Variants in PARM1 observed in about 807,000 individuals in gnomAD.
The protein encoded by PARM1 is prostate androgen-regulated mucin-like protein 1.
Under a neutral mutation model 24.6 loss-of-function variants are expected in PARM1, and 14 were observed. That is an observed-to-expected ratio of 0.57 (90% confidence interval 0.38 to 0.89). PARM1 has a LOEUF of 0.89. PARM1 is among the 40% of genes least tolerant of loss of function. PARM1 has a pLI of 0.00. For synonymous variants in PARM1, 179 were observed against 156.6 expected (o/e 1.14, Z -1.07); for missense variants, 362 against 380.4 (o/e 0.95, Z 0.40).
intron 1 of PARM1, among the ~76,000 whole-genome samples, chr4:74,942,455 G>T (rs143627505): frequency 6.6e-6 from 1 of 152,166 alleles, no homozygotes; most frequent in Non-Finnish European, 1.5e-5. Context: ...TAGTTATCTC[G>T]AACTCAACAT....
intron 1 of PARM1, among the ~76,000 whole-genome samples, chr4:74,933,648 C>A (rs1268749032): frequency 6.6e-6 from 1 of 152,184 alleles, no homozygotes; most frequent in East Asian, 1.9e-4. Flanking sequence ...GTGTTCGAAC[C>A]CAGAGTGGGC....
At chr4:75,010,844 T>C (rs539326164) in intron 1 of PARM1, among the ~76,000 whole-genome samples, 9 of 152,184 alleles carry the variant, frequency 5.9e-5, no homozygotes, top group Non-Finnish European at 1.2e-4. Context: ...ACAGTTGTGT[T>C]TGCATTGCTA....
At chr4:75,045,053 A>C (rs1723574520) in intron 3 of PARM1, among the ~76,000 whole-genome samples, 1 of 152,174 alleles carries the variant, frequency 6.6e-6, no homozygotes, top group Non-Finnish European at 1.5e-5. Context: ...ACACAGCCAA[A>C]CCATATCAAG....
intron 1 of PARM1, among the ~76,000 whole-genome samples, chr4:74,980,708 A>G (rs924223868): frequency 3.3e-5 from 5 of 152,218 alleles, no homozygotes; most frequent in African/African-American, 7.2e-5. Context: ...CCTGACTTCA[A>G]ACTGGTACAA....
intron 1 of PARM1, among the ~76,000 whole-genome samples, chr4:74,960,030 C>T (rs888819223): frequency 2.0e-5 from 3 of 152,218 alleles, no homozygotes; most frequent in Non-Finnish European, 4.4e-5. Context: ...GCAGCAGCTA[C>T]CCATTTTCCA....
chr4:75,004,643 G>A lies in PARM1; in HGVS notation c.44-7782G>A, dbSNP rs182912221. ...GAGACTGTGAAAGGTGGCATGTCTT[G>A]TGCCAAGGAGCTCAGGTTTTATCCC... On this transcript the variant is annotated intron_variant, in intron 1 of 3. Coordinates refer to ENST00000307428, the MANE Select transcript of PARM1 (RefSeq NM_015393.4). Among the ~76,000 whole-genome samples the A allele has an allele frequency of 2.5e-3, 379 of 152,284 alleles. 2 individuals are homozygous for A. Among genetic ancestry groups the A allele is most frequent in the Admixed American group, 4.2e-3 (65 of 15,302 alleles).
chr4:74,933,841 T>A (rs978918379), intron 1 of PARM1, among the ~76,000 whole-genome samples: 1 of 152,132 alleles, frequency 6.6e-6, no homozygotes, highest in African/African-American at 2.4e-5. Flanking sequence ...CTGGCGGGGC[T>A]GGTTTGCTTT....
chr4:74,957,822 G>A (rs548277667), intron 1 of PARM1, among the ~76,000 whole-genome samples: 2 of 152,256 alleles, frequency 1.3e-5, no homozygotes, highest in Non-Finnish European at 2.9e-5. Flanking sequence ...TCCTTAAGCA[G>A]CTTCAGGGAG....
intron 1 of PARM1, among the ~76,000 whole-genome samples, chr4:74,992,958 C>T (rs1722508413): frequency 6.6e-6 from 1 of 152,114 alleles, no homozygotes; most frequent in Non-Finnish European, 1.5e-5. Flanking sequence ...AGCATTATAA[C>T]ATATATACAA....
chr4:74,934,081 G>C (rs1382917863), intron 1 of PARM1, among the ~76,000 whole-genome samples: 1 of 151,868 alleles, frequency 6.6e-6, no homozygotes, highest in Non-Finnish European at 1.5e-5. Flanking sequence ...GAAAGGCTTC[G>C]TAGGAGCCAC....
intron 1 of PARM1, among the ~76,000 whole-genome samples, chr4:74,934,996 C>CTTTTTTTTTTTTTTTTTTTT (rs11392364): frequency 8.6e-6 from 1 of 116,550 alleles, no homozygotes; most frequent in Non-Finnish European, 1.7e-5. Flanking sequence ...GCTCTTTTTT[C>CTTTTTTTTTTTTTTTTTTTT]TTTTTTTTTT....
chr4:74,962,139 C>A (rs897830931), intron 1 of PARM1, among the ~76,000 whole-genome samples: 1 of 152,040 alleles, frequency 6.6e-6, no homozygotes, highest in South Asian at 2.1e-4. Flanking sequence ...AGATACAGTT[C>A]TGTAATATCA....
chr4:74,951,835 C>G (rs1229317395), intron 1 of PARM1, among the ~76,000 whole-genome samples: 1 of 152,196 alleles, frequency 6.6e-6, no homozygotes, highest in African/African-American at 2.4e-5. Flanking sequence ...TCCAGTCTAT[C>G]ATGGATGAGT....
chr4:75,015,271 T>C (rs1472435565), intron 2 of PARM1, among the ~76,000 whole-genome samples: 5 of 152,226 alleles, frequency 3.3e-5, no homozygotes, highest in Non-Finnish European at 2.9e-5. Flanking sequence ...TTTTAGGCTC[T>C]ATGTCTTGAT....
intron 1 of PARM1, among the ~76,000 whole-genome samples, chr4:74,941,203 A>T (rs924696088): frequency 4.6e-5 from 7 of 152,208 alleles, no homozygotes; most frequent in African/African-American, 1.7e-4. Context: ...GATGGAAATG[A>T]CATTCAGGAG....
chr4:75,041,132 G>C (rs1256552091), intron 3 of PARM1, among the ~76,000 whole-genome samples: 2 of 152,156 alleles, frequency 1.3e-5, no homozygotes, highest in Non-Finnish European at 2.9e-5. Flanking sequence ...GATCTGTTCA[G>C]TTTATTAAGG....
chr4:75,039,539 AAAAT>A (rs962156247), intron 3 of PARM1, among the ~76,000 whole-genome samples: 17 of 152,088 alleles, frequency 1.1e-4, no homozygotes, highest in African/African-American at 3.9e-4. Context: ...AAAATAAAAT[AAAAT>A]AAATAAACAG....
At position 75,048,205 on chromosome 4, in the gene PARM1, G is replaced by A. The variant is rs1355545357; in HGVS notation, c.*1958G>A. The A allele has an allele frequency of 1.3e-5, 2 of 152,218 alleles. No individual in the cohort carries two copies. Among genetic ancestry groups the A allele is most frequent in the East Asian group, 1.9e-4 (1 of 5,182 alleles). 9.4% of individuals were successfully genotyped at this position (152,218 alleles called of 1,614,324 possible). A position where few individuals can be genotyped will look rare whatever the true frequency, so the allele number is the denominator to read the frequency against. Reference sequence around the variant, plus strand: ...TCTACAACCTGCCAACCCACACACTGGAGTAATTCTGAAAAAAATTATTCC... The same window carrying A: ...TCTACAACCTGCCAACCCACACACTAGAGTAATTCTGAAAAAAATTATTCC... On this transcript the variant is annotated 3_prime_UTR_variant, in exon 4 of 4. Transcript: ENST00000307428.
intron 1 of PARM1, among the ~76,000 whole-genome samples, chr4:75,009,027 A>C (rs552596222): frequency 3.3e-5 from 5 of 152,162 alleles, no homozygotes; most frequent in Admixed American, 1.3e-4. Flanking sequence ...TGTTTTAATA[A>C]TATTTGTCCC....
Sources: allele counts gnomAD v4.1 joint callset (sites outside exome capture counted in the v4.1 genomes callset), GRCh38; gene constraint gnomAD v4.1.1; transcripts MANE v1.5; gene names NCBI Gene and HGNC (gene_info 2026-07-23, HGNC 2026-07-21).